Variants in WWOX observed in about 807,000 individuals in gnomAD.
WWOX encodes the protein WW domain-containing oxidoreductase.
Under a neutral mutation model 46.2 loss-of-function variants are expected in WWOX, and 69 were observed. That is an observed-to-expected ratio of 1.49 (90% CI 1.23 to 1.82). The LOEUF (loss-of-function observed/expected upper bound fraction) is 1.82. WWOX is among the 40% of genes most tolerant of loss of function. The pLI is 0.00. For synonymous variants in WWOX, 359 were observed against 202.6 expected, an observed-to-expected ratio of 1.77 and a Z score of -6.56; for missense variants, 919 against 542.6, an observed-to-expected ratio of 1.69 and a Z score of -6.89.
At chr16:78,845,056 A>G (rs998655622) in intron 8 of WWOX, among the ~76,000 whole-genome samples, 6 of 152,142 alleles carry the variant, frequency 3.9e-5, no homozygotes, top group Non-Finnish European at 8.8e-5. Context: ...AGACAAATGG[A>G]AAACCTTCAT....
intron 8 of WWOX, among the ~76,000 whole-genome samples, chr16:79,180,665 C>G (rs1386396864): frequency 2.2e-5 from 3 of 137,644 alleles, no homozygotes; most frequent in Non-Finnish European, 4.4e-5. Context: ...TTCTTTCTCT[C>G]TCTTCTCTCT....
intron 5 of WWOX, among the ~76,000 whole-genome samples, chr16:78,377,877 A>G (rs552425034): frequency 6.6e-6 from 1 of 152,290 alleles, no homozygotes; most frequent in South Asian, 2.1e-4. Flanking sequence ...ATAGATATTG[A>G]CACGGTTATT....
chr16:78,202,839 C>A (rs1248105320), intron 5 of WWOX, among the ~76,000 whole-genome samples: 3 of 144,794 alleles, frequency 2.1e-5, no homozygotes, highest in Admixed American at 7.0e-5. Flanking sequence ...TTTTTAAATG[C>A]TCCATGTAGA....
intron 8 of WWOX, among the ~76,000 whole-genome samples, chr16:78,760,265 T>C (rs904631811): frequency 6.6e-6 from 1 of 152,154 alleles, no homozygotes; most frequent in African/African-American, 2.4e-5. Flanking sequence ...GAGAACAATA[T>C]GGGAGAAATC....
At chr16:78,561,527 C>T (rs185116636) in intron 8 of WWOX, among the ~76,000 whole-genome samples, 18 of 152,090 alleles carry the variant, frequency 1.2e-4, no homozygotes, top group East Asian at 1.2e-3. Flanking sequence ...TGCATGCGTA[C>T]ACCATGGACC....
intron 8 of WWOX, among the ~76,000 whole-genome samples, chr16:79,147,272 C>A (rs575187763): frequency 6.6e-6 from 1 of 152,332 alleles, no homozygotes; most frequent in Non-Finnish European, 1.5e-5. Flanking sequence ...TCATCCCTGA[C>A]CCCTGGCAAC....
At chr16:78,930,184 C>A (rs1349448823) in intron 8 of WWOX, among the ~76,000 whole-genome samples, 3 of 149,528 alleles carry the variant, frequency 2.0e-5, no homozygotes, top group Middle Eastern at 3.2e-3. Flanking sequence ...AAAATTACAC[C>A]ATACCCCAGA....
At chr16:78,882,822 C>T (rs1322033097) in intron 8 of WWOX, among the ~76,000 whole-genome samples, 13 of 139,832 alleles carry the variant, frequency 9.3e-5, no homozygotes, top group Non-Finnish European at 2.1e-4. Context: ...TACAATGCCA[C>T]CATTTAAAAA....
intron 8 of WWOX, among the ~76,000 whole-genome samples, chr16:78,592,106 A>G (rs1428974355): frequency 2.0e-5 from 3 of 152,238 alleles, no homozygotes; most frequent in African/African-American, 7.2e-5. Context: ...GTCAATATCC[A>G]TTTCGTATTA....
At chr16:78,933,796 A>T (rs60209796) in intron 8 of WWOX, among the ~76,000 whole-genome samples, 4 of 151,978 alleles carry the variant, frequency 2.6e-5, no homozygotes, top group African/African-American at 9.7e-5. Flanking sequence ...CCGTAATTCA[A>T]TTACCTCCCA....
chr16:78,853,961 G>A (rs2052510194), intron 8 of WWOX, among the ~76,000 whole-genome samples: 1 of 152,004 alleles, frequency 6.6e-6, no homozygotes, highest in Non-Finnish European at 1.5e-5. Flanking sequence ...TATTTCTGAA[G>A]GAATTTCCAG....
chr16:78,735,102 G>GAT (rs2049055424), intron 8 of WWOX, among the ~76,000 whole-genome samples: 1 of 151,500 alleles, frequency 6.6e-6, no homozygotes, highest in Non-Finnish European at 1.5e-5. Flanking sequence ...CCTGACCTCA[G>GAT]ATGATCCACC....
At chr16:78,595,411 A>C (rs1239527676) in intron 8 of WWOX, among the ~76,000 whole-genome samples, 1 of 152,042 alleles carries the variant, frequency 6.6e-6, no homozygotes, top group Non-Finnish European at 1.5e-5. Context: ...GCCTCCCTGC[A>C]GCCTGTGGAA....
At chr16:78,683,126 G>A (rs1015682481) in intron 8 of WWOX, among the ~76,000 whole-genome samples, 3 of 152,080 alleles carry the variant, frequency 2.0e-5, no homozygotes, top group Admixed American at 6.6e-5. Context: ...TCCTAAAATC[G>A]ATTTCCAGTT....
At position 79,027,010 on chromosome 16, in the gene WWOX, T is replaced by G. The variant is rs2047658953; in HGVS notation, c.1057-184598T>G. ...TTAACACAGTGGAGTCCAGGTACAG[T>G]GGCTCATGCCTGTAATCCCAGCACT... is the stretch of plus-strand genomic sequence containing the variant. On this transcript the variant is annotated intron_variant, in intron 8 of 8. Transcript: ENST00000566780. Among the ~76,000 whole-genome samples the G allele has an allele frequency of 1.3e-5, 2 of 151,324 alleles. 1 individual carries two copies. Among genetic ancestry groups the G allele is most frequent in the African/African-American group, 4.9e-5 (2 of 40,896 alleles).
At chr16:78,928,502 C>T (rs1056098625) in intron 8 of WWOX, among the ~76,000 whole-genome samples, 2 of 152,136 alleles carry the variant, frequency 1.3e-5, no homozygotes, top group Admixed American at 6.5e-5. Flanking sequence ...GCGCCCGGCC[C>T]CACTTTTCTT....
chr16:79,008,673 A>C (rs973578732), intron 8 of WWOX, among the ~76,000 whole-genome samples: 1 of 152,124 alleles, frequency 6.6e-6, no homozygotes, highest in Non-Finnish European at 1.5e-5. Context: ...GGTCATACTG[A>C]TGTCACTCTC....
intron 5 of WWOX, among the ~76,000 whole-genome samples, chr16:78,194,587 CAAAA>C (rs368008924): frequency 2.0e-5 from 2 of 98,538 alleles, no homozygotes; most frequent in Admixed American, 1.2e-4. Context: ...GACTCCATCT[CAAAA>C]AAAAAAAAAA....
chr16:78,914,353 C>T (rs997145468), intron 8 of WWOX, among the ~76,000 whole-genome samples: 1 of 152,030 alleles, frequency 6.6e-6, no homozygotes, highest in African/African-American at 2.4e-5. Flanking sequence ...AGAACAGTAC[C>T]TGGCATATAG....
Sources: allele counts gnomAD v4.1 joint callset (sites outside exome capture counted in the v4.1 genomes callset), GRCh38; gene constraint gnomAD v4.1.1; transcripts MANE v1.5; gene names NCBI Gene and HGNC (gene_info 2026-07-23, HGNC 2026-07-21).